TTC39C: variants seen among roughly 807,000 people sequenced by gnomAD.
TTC39C encodes tetratricopeptide repeat protein 39C.
TTC39C carries 33 observed loss-of-function variants against 76.3 expected under a neutral mutation model. The observed-to-expected ratio is 0.43, with a 90% CI of 0.33 to 0.58. TTC39C has a LOEUF of 0.58. Among genes scored for constraint, TTC39C ranks in the 20% least tolerant of loss-of-function variants. The pLI, the probability that TTC39C is intolerant of heterozygous loss-of-function variation, is 0.04. For missense variants in TTC39C, 595 were observed against 701.4 expected (o/e 0.85, Z 1.71); for synonymous variants, 254 against 260.6 (o/e 0.97, Z 0.24).
chr18:24,013,566 TA>T (rs948836490), upstream of TTC39C, among the ~76,000 whole-genome samples: 10 of 151,826 alleles, frequency 6.6e-5, no homozygotes, highest in Non-Finnish European at 1.2e-4. Context: ...TGCTTTCATT[TA>T]AAAAAAATTC....
upstream of TTC39C, among the ~76,000 whole-genome samples, chr18:24,013,355 T>A (rs548540709): frequency 6.6e-6 from 1 of 152,348 alleles, no homozygotes; most frequent in Admixed American, 6.5e-5. Context: ...CTTATTACTC[T>A]AAAATTTCTA....
chr18:24,012,018 A>C (rs762677437), upstream of TTC39C, among the ~76,000 whole-genome samples: 1 of 152,214 alleles, frequency 6.6e-6, no homozygotes, highest in Non-Finnish European at 1.5e-5. Flanking sequence ...AGATATCACT[A>C]TCTGCCTTTA....
rs1366679935 is a variant in TTC39C, at chr18:24,118,120, CA to C, written c.1079-4del. On this transcript the variant is annotated splice_polypyrimidine_tract_variant and splice_region_variant and intron_variant, in intron 7 of 13. Transcript: ENST00000317571. Reference sequence around the variant, plus strand: ...GGTCATGTGCTAAAAATATTTCTTTCATAGGTTGGTGCAGCATGATAGAGCT... The same window carrying C: ...GGTCATGTGCTAAAAATATTTCTTTCTAGGTTGGTGCAGCATGATAGAGCT... 2.5e-5 allele frequency: 40 copies of C among 1,611,212 alleles called. No homozygotes were observed. Among genetic ancestry groups the C allele is most frequent in the Non-Finnish European group, 3.3e-5 (39 of 1,178,748 alleles).
chr18:24,047,383 G>A (rs2083898015), intron 1 of TTC39C, among the ~76,000 whole-genome samples: 1 of 152,072 alleles, frequency 6.6e-6, no homozygotes, highest in Non-Finnish European at 1.5e-5. Context: ...ATGAGCCACC[G>A]TGCATGGCCA....
At chr18:24,045,694 A>T (rs2083860128) in intron 1 of TTC39C, among the ~76,000 whole-genome samples, 1 of 151,810 alleles carries the variant, frequency 6.6e-6, no homozygotes, top group Non-Finnish European at 1.5e-5. Flanking sequence ...ATTTAATTAT[A>T]TATTGGTGTT....
chr18:24,112,608 G>A (rs1357432066), intron 6 of TTC39C, among the ~76,000 whole-genome samples: 3 of 152,086 alleles, frequency 2.0e-5, no homozygotes. Context: ...GCACATAGCG[G>A]TTGCCCAGTA....
At chr18:24,130,902 GGC>G (rs1321659307) in intron 12 of TTC39C, among the ~76,000 whole-genome samples, 1 of 151,186 alleles carries the variant, frequency 6.6e-6, no homozygotes. Context: ...GTTAAAATAT[GGC>G]CAGGCTCAGT....
intron 1 of TTC39C, chr18:24,015,352 CCT>C (rs2083442373): frequency 4.0e-6 from 1 of 249,006 alleles, no homozygotes; most frequent in East Asian, 7.8e-5. Context: ...CCGGTAGGCT[CCT>C]CTCTGCAGGG....
In TTC39C at chr18:24,092,102, A is replaced by T. The variant is rs1205557107; in HGVS notation, c.984+9021A>T. Among the ~76,000 whole-genome samples, 123 of 122,230 alleles carry T rather than the reference A, an allele frequency of 1.0e-3. 1 individual carries two copies. The highest frequency in any genetic ancestry group is 3.8e-3 in the Middle Eastern group (1 of 260). 80.2% of individuals were successfully genotyped at this position (122,230 alleles called of 152,430 possible). ...AGTGAGACTCAGTCTCAAAAAAAAA[A>T]AAAAAAAAAAAAAAAAAAAAAAATA... On this transcript the variant is annotated intron_variant, in intron 6 of 13. Transcript: ENST00000317571.
intron 4 of TTC39C, among the ~76,000 whole-genome samples, chr18:24,075,300 T>TAA (rs60318513): frequency 7.6e-4 from 109 of 144,224 alleles, no homozygotes; most frequent in African/African-American, 2.5e-3. Context: ...AAAGTATAAT[T>TAA]AAAAAAAAAA....
chr18:24,114,920 A>G (rs1311591575), intron 7 of TTC39C: 4 of 274,686 alleles, frequency 1.5e-5, no homozygotes, highest in South Asian at 4.5e-5. Flanking sequence ...ATTGGACTGC[A>G]TTAGAATTCA....
intron 1 of TTC39C, chr18:24,022,679 G>A (rs2083531737): frequency 2.0e-6 from 2 of 985,314 alleles, no homozygotes; most frequent in East Asian, 1.1e-4. Context: ...CAGGGGAGAT[G>A]TCACCCCAAG....
intron 1 of TTC39C, among the ~76,000 whole-genome samples, chr18:24,051,809 ACC>A: frequency 6.6e-6 from 1 of 152,068 alleles, no homozygotes; most frequent in East Asian, 1.9e-4. Flanking sequence ...TCATTTTTTG[ACC>A]CTGTGAGGAC....
chr18:24,065,060 T>G (rs1436810852), intron 2 of TTC39C, among the ~76,000 whole-genome samples: 1 of 152,120 alleles, frequency 6.6e-6, no homozygotes, highest in Non-Finnish European at 1.5e-5. Flanking sequence ...GCGAATGAGA[T>G]CTAACCAAAG....
intron 1 of TTC39C, among the ~76,000 whole-genome samples, chr18:24,029,536 G>T (rs8094625): frequency 0.94 from 142,529 of 152,316 alleles, 67,210 homozygotes; most frequent in East Asian, 1. Context: ...AGTTTTGGGG[G>T]AACAGGTAGT....
At chr18:24,069,771 A>G (rs538118175) in intron 4 of TTC39C, among the ~76,000 whole-genome samples, 10 of 152,340 alleles carry the variant, frequency 6.6e-5, no homozygotes, top group Non-Finnish European at 1.0e-4. Context: ...TAATTTCTTA[A>G]TTAGTCTGTC....
At chr18:24,050,187 C>G (rs1429821607) in intron 1 of TTC39C, among the ~76,000 whole-genome samples, 1 of 152,198 alleles carries the variant, frequency 6.6e-6, no homozygotes, top group East Asian at 1.9e-4. Context: ...TCATTGTTCT[C>G]ATAATTTGTC....
At chr18:24,120,654 C>A (rs1443914398) in intron 8 of TTC39C, among the ~76,000 whole-genome samples, 1 of 152,194 alleles carries the variant, frequency 6.6e-6, no homozygotes, top group East Asian at 1.9e-4. Flanking sequence ...TCTGGAACTT[C>A]TTCATCATCC....
chr18:24,131,712 CAAAAA>C (rs11307092), intron 12 of TTC39C, among the ~76,000 whole-genome samples, 165 bp from the exon 13 acceptor site: 2 of 122,348 alleles, frequency 1.6e-5, no homozygotes, highest in East Asian at 2.4e-4. Context: ...AACTCCATCT[CAAAAA>C]AAAAAAAAAA....
Sources: allele counts gnomAD v4.1 joint callset (sites outside exome capture counted in the v4.1 genomes callset), GRCh38; gene constraint gnomAD v4.1.1; transcripts MANE v1.5; gene names NCBI Gene and HGNC (gene_info 2026-07-23, HGNC 2026-07-21).